Variants in VAC14 observed in about 807,000 individuals in gnomAD.
The protein encoded by VAC14 is protein VAC14 homolog.
In VAC14, 47 loss-of-function variants were observed where a neutral mutation model predicts 85.3. The ratio of observed to expected loss-of-function variants is 0.55; its 90% CI spans 0.44 to 0.70. The LOEUF is 0.70. VAC14 is among the 30% of genes least tolerant of loss of function. VAC14 has a pLI of 0.00. For synonymous variants in VAC14, 447 were observed against 430.5 expected, an observed-to-expected ratio of 1.04 and a Z score of -0.47; for missense variants, 861 against 1,004.3, an observed-to-expected ratio of 0.86 and a Z score of 1.93.
chr16:70,688,934 C>T, intron 18 of VAC14: 1 of 985,526 alleles, frequency 1.0e-6, no homozygotes, highest in Non-Finnish European at 1.2e-6. Context: ...TCCATGTGGG[C>T]TAGGAAGTAT....
At chr16:70,782,783 C>T (rs1425418958) in intron 7 of VAC14, among the ~76,000 whole-genome samples, 1 of 152,232 alleles carries the variant, frequency 6.6e-6, no homozygotes, top group African/African-American at 2.4e-5. Flanking sequence ...ACCTCCAGAT[C>T]TTACTCCACA....
Position 70,744,593 on chromosome 16 carries a change from C to T in VAC14, c.1372-14G>A, listed in dbSNP as rs767125815. The T allele has an allele frequency of 7.0e-6, 11 of 1,580,860 alleles. No homozygotes were observed. In the East Asian group the frequency reaches 1.1e-4, roughly 16 times the overall value. On this transcript the variant is annotated splice_polypyrimidine_tract_variant and intron_variant, in intron 12 of 18. Transcript: ENST00000261776. ...CTTCAGGATCACCTGGGGAGAGAAG[C>T]GGGGCAGGAGGGATGAGCTCTCCGC...
chr16:70,689,976 T>G, intron 18 of VAC14: 1 of 985,476 alleles, frequency 1.0e-6, no homozygotes, highest in Non-Finnish European at 1.2e-6. Context: ...GACCCTAAAG[T>G]GTGTCTTCTG....
intron 9 of VAC14, among the ~76,000 whole-genome samples, chr16:70,778,271 A>C (rs2033624984): frequency 6.6e-6 from 1 of 152,252 alleles, no homozygotes. Flanking sequence ...CTACCACTGA[A>C]CCACCAATGC....
Position 70,710,545 on chromosome 16 carries a change from C to T in VAC14, c.1662-11734G>A, listed in dbSNP as rs886206249. 5.9e-5 allele frequency among the ~76,000 whole-genome samples: 9 copies of T among 152,356 alleles called. No homozygotes were observed. The East Asian group carries it at 7.7e-4, about 13-fold the overall frequency. ...ACAATGTCTGGCGACGCCCCTTGCC[C>T]GTGTTCTGATCACCAAGCTGTTTGT... On this transcript the variant is annotated intron_variant, in intron 14 of 18. Transcript: ENST00000261776.
chr16:70,723,981 C>A (rs769935058), intron 14 of VAC14, among the ~76,000 whole-genome samples: 14 of 152,130 alleles, frequency 9.2e-5, no homozygotes, highest in Non-Finnish European at 1.9e-4. Context: ...AGGGGTCACC[C>A]TGAAGGACAC....
At chr16:70,692,068 C>T in intron 18 of VAC14, 1 of 982,880 alleles carries the variant, frequency 1.0e-6, no homozygotes, top group Non-Finnish European at 1.2e-6. Context: ...TGAAATTTTC[C>T]ATCTCGGATG....
chr16:70,696,176 T>C (rs574905546), intron 16 of VAC14, among the ~76,000 whole-genome samples: 48 of 152,146 alleles, frequency 3.2e-4, no homozygotes, highest in Non-Finnish European at 5.9e-4. Flanking sequence ...CTGGGTTACA[T>C]GTCAGGCACC....
chr16:70,727,247 G>GGTAAA (rs1392464976), intron 14 of VAC14, among the ~76,000 whole-genome samples: 5 of 152,218 alleles, frequency 3.3e-5, no homozygotes, highest in Admixed American at 3.3e-4. Context: ...AGCTAAAGAG[G>GGTAAA]GGGTTAAGAA....
intron 14 of VAC14, among the ~76,000 whole-genome samples, chr16:70,710,044 G>A (rs2142995230): frequency 6.6e-6 from 1 of 152,310 alleles, no homozygotes; most frequent in South Asian, 2.1e-4. Flanking sequence ...CTGCCCACGA[G>A]GAGGCCGCCA....
intron 14 of VAC14, among the ~76,000 whole-genome samples, chr16:70,726,803 G>A (rs976920031): frequency 6.6e-6 from 1 of 152,170 alleles, no homozygotes; most frequent in African/African-American, 2.4e-5. Flanking sequence ...GCTAAAAAAT[G>A]AAGGTTTTAA....
At chr16:70,692,420 C>T (rs910841733) in intron 18 of VAC14, among the ~76,000 whole-genome samples, 14 of 152,244 alleles carry the variant, frequency 9.2e-5, no homozygotes, top group South Asian at 4.2e-4. Flanking sequence ...AGGTGCCCAG[C>T]ACAGACAGCC....
intron 5 of VAC14, 37 bp from the exon 6 acceptor site, chr16:70,783,591 C>T (rs769358097): frequency 6.3e-7 from 1 of 1,599,794 alleles, no homozygotes; most frequent in Non-Finnish European, 8.5e-7. Flanking sequence ...GAAGTCAGCT[C>T]CAGAACCCTG....
rs34017623 is a variant in VAC14, at chr16:70,713,709, G to GT, written c.1662-14899dup. Among the ~76,000 whole-genome samples the GT allele has an allele frequency of 4.3e-3, 573 of 133,670 alleles. 2 individuals carry two copies. Among genetic ancestry groups the GT allele is most frequent in the African/African-American group, 4.7e-3 (168 of 36,080 alleles). 87.7% of individuals were successfully genotyped at this position (133,670 alleles called of 152,430 possible). ...CCTGCTCAGGAGCATCTTTGTTTTTGTTTTTTTTTTTTTTTGTAGAGATGG... is the reference window on the plus strand; with the variant it reads ...CCTGCTCAGGAGCATCTTTGTTTTTGTTTTTTTTTTTTTTTTGTAGAGATGG... On this transcript the variant is annotated intron_variant, in intron 14 of 18. Transcript: ENST00000261776.
At position 70,784,146 on chromosome 16, in the gene VAC14, G is replaced by A. The variant is rs2033942308; in HGVS notation, c.561C>T (p.Asn187=). ...IPLLRERIYS[N]NQYARQFIIS... Reference sequence around the variant, plus strand: ...TGATGAACTGCCGGGCATACTGGTTGTTGGAGTAAATCCTCTCTCGCAACA... The same window carrying A: ...TGATGAACTGCCGGGCATACTGGTTATTGGAGTAAATCCTCTCTCGCAACA... Residue 187 remains asparagine (N), a synonymous_variant, in exon 5 of 19, where the codon AAC becomes AAT. Transcript: ENST00000261776. 1.9e-6 allele frequency: 3 copies of A among 1,614,214 alleles called. No individual in the cohort carries two copies. The East Asian group carries it at 6.7e-5, about 36-fold the overall frequency.
intron 1 of VAC14, among the ~76,000 whole-genome samples, chr16:70,794,300 C>T (rs1392880788): frequency 6.6e-6 from 1 of 152,190 alleles, no homozygotes; most frequent in African/African-American, 2.4e-5. Flanking sequence ...CCCATTCCCC[C>T]GCGCCCTAGG....
chr16:70,709,123 G>A (rs2053978488), intron 14 of VAC14, among the ~76,000 whole-genome samples: 1 of 152,150 alleles, frequency 6.6e-6, no homozygotes, highest in Admixed American at 6.5e-5. Flanking sequence ...TAGGAACATC[G>A]TGTACATTCA....
At chr16:70,768,831 C>T (rs1421521215) in intron 10 of VAC14, 6 of 453,572 alleles carry the variant, frequency 1.3e-5, no homozygotes, top group Admixed American at 4.7e-5. Flanking sequence ...GACAGAGTCT[C>T]GCTCTGTCAC....
At chr16:70,785,115 G>A (rs557665372) in intron 3 of VAC14, among the ~76,000 whole-genome samples, 5 of 152,368 alleles carry the variant, frequency 3.3e-5, no homozygotes, top group South Asian at 4.1e-4. Flanking sequence ...ACTGGGTCAC[G>A]GGGTTGCTTC....
Sources: allele counts gnomAD v4.1 joint callset (sites outside exome capture counted in the v4.1 genomes callset), GRCh38; gene constraint gnomAD v4.1.1; transcripts MANE v1.5; gene names NCBI Gene and HGNC (gene_info 2026-07-23, HGNC 2026-07-21).